The following PDE11A variants were observed in gnomAD, a reference collection of about 807,000 sequenced individuals.
PDE11A encodes the protein phosphodiesterase 11A, also known as dual 3',5'-cyclic-AMP and -GMP phosphodiesterase 11A.
A neutral mutation model predicts 100.5 loss-of-function variants in PDE11A; 100 were observed. The ratio of observed to expected loss-of-function variants is 1.00; its 90% CI spans 0.85 to 1.18. The LOEUF (loss-of-function observed/expected upper bound fraction) is 1.18, where lower values mean the gene tolerates loss of function less well. Ranked by LOEUF, PDE11A falls within the 50% of genes most tolerant of loss-of-function variation. The pLI, the probability that PDE11A is intolerant of heterozygous loss-of-function variation, is 0.00. For missense variants in PDE11A, 1,141 were observed against 1,152.6 expected (o/e 0.99, Z 0.15); for synonymous variants, 381 against 420.8 (o/e 0.91, Z 1.16).
chr2:177,991,976 C>T (rs2086010689), intron 2 of PDE11A, among the ~76,000 whole-genome samples: 1 of 151,188 alleles, frequency 6.6e-6, no homozygotes, highest in African/African-American at 2.4e-5. Flanking sequence ...ACACATTTAC[C>T]CTTATAGTAA....
In PDE11A at chr2:178,068,913, T is replaced by A. The variant is rs55980507; in HGVS notation, c.912+2613A>T. Among the ~76,000 whole-genome samples the A allele has an allele frequency of 1.2e-3, 183 of 152,276 alleles. 1 individual carries two copies. Among genetic ancestry groups the A allele is most frequent in the Non-Finnish European group, 2.3e-3 (155 of 68,010 alleles). ...AAACCACATTTAGGGACATTTTAAG[T>A]AGAGAATGGAAGGATAGATATTTTC... On this transcript the variant is annotated intron_variant, in intron 1 of 19. Transcript: ENST00000286063.
At chr2:178,018,346 C>T (rs73972665) in intron 1 of PDE11A, 5,066 of 469,300 alleles carry the variant, frequency 0.011, 205 homozygotes, top group African/African-American at 0.092. Context: ...AGACGCATCA[C>T]GGAAAGCTGC....
At chr2:177,668,570 C>T (rs1033438565) in intron 18 of PDE11A, among the ~76,000 whole-genome samples, 1 of 152,196 alleles carries the variant, frequency 6.6e-6, no homozygotes, top group Admixed American at 6.5e-5. Flanking sequence ...TCAAAATTAG[C>T]AAGACTGTGC....
At chr2:178,064,930 G>A (rs1359922270) in intron 1 of PDE11A, among the ~76,000 whole-genome samples, 1 of 151,410 alleles carries the variant, frequency 6.6e-6, no homozygotes, top group African/African-American at 2.4e-5. Context: ...AACATAATTT[G>A]TCATTAATAT....
chr2:177,885,201 AGT>A lies in PDE11A; in HGVS notation c.1303-9280_1303-9279del, dbSNP rs5836630. The stretch of plus-strand genomic sequence containing the variant: ...AGTAATATGATACATTAATGATGTG[AGT>A]GTGTGTGTGTGTGTGTGTGTATATA... On this transcript the variant is annotated intron_variant, in intron 4 of 19. Coordinates refer to ENST00000286063, the MANE Select transcript of PDE11A (RefSeq NM_016953.4). 5.3e-3 allele frequency among the ~76,000 whole-genome samples: 785 copies of A among 149,394 alleles called. 2 individuals carry two copies. Among genetic ancestry groups the A allele is most frequent in the African/African-American group, 1.0e-2 (406 of 40,804 alleles).
chr2:177,983,539 C>G (rs1024439595), intron 2 of PDE11A, among the ~76,000 whole-genome samples: 1 of 152,140 alleles, frequency 6.6e-6, no homozygotes, highest in African/African-American at 2.4e-5. Flanking sequence ...GAAAATAAAG[C>G]AGCTATAATC....
chr2:177,725,644 G>A lies in PDE11A; in HGVS notation c.2043+2014C>T, dbSNP rs749465035. 1.5e-4 allele frequency among the ~76,000 whole-genome samples: 23 copies of A among 152,202 alleles called. No homozygotes were observed. In the East Asian group the frequency reaches 4.1e-3, roughly 27 times the overall value. On this transcript the variant is annotated intron_variant, in intron 12 of 19. Transcript: ENST00000286063. ...AACTGTACCCTGGAAATATTCTGAC[G>A]ATATGAGCATCCCCATTGTGGTGAC...
At chr2:177,896,105 G>A (rs2084607592) in intron 4 of PDE11A, among the ~76,000 whole-genome samples, 1 of 152,150 alleles carries the variant, frequency 6.6e-6, no homozygotes. Flanking sequence ...GTCTTAGAAT[G>A]TTCAGCAGTG....
At chr2:177,926,263 T>C (rs2085123375) in intron 2 of PDE11A, among the ~76,000 whole-genome samples, 1 of 152,236 alleles carries the variant, frequency 6.6e-6, no homozygotes, top group Admixed American at 6.5e-5. Context: ...ATTTATCATC[T>C]GTACTTCTAC....
chr2:177,873,614 A>G (rs188721344), intron 5 of PDE11A, among the ~76,000 whole-genome samples: 124 of 152,296 alleles, frequency 8.1e-4, no homozygotes, highest in African/African-American at 2.7e-3. Context: ...TATAATCACC[A>G]CTGCAAGCAA....
rs1486912368 is a variant in PDE11A at position 177,785,497 on chromosome 2, C to G, written c.1738-16124G>C. On this transcript the variant is annotated intron_variant, in intron 9 of 19. Coordinates refer to ENST00000286063, the MANE Select transcript of PDE11A (RefSeq NM_016953.4). The stretch of plus-strand genomic sequence containing the variant: ...GATTTCTGCATTTCCATCTGAGGTA[C>G]CGGGTTCATCTCACTAGGGAGTGCC... Among the ~76,000 whole-genome samples the G allele has an allele frequency of 2.6e-5, 4 of 152,208 alleles. No homozygotes were observed. The East Asian group carries it at 5.8e-4, about 22-fold the overall frequency.
chr2:177,763,204 C>G (rs559532180), intron 10 of PDE11A, among the ~76,000 whole-genome samples: 2 of 152,044 alleles, frequency 1.3e-5, no homozygotes, highest in Admixed American at 1.3e-4. Context: ...AGTCAATTTC[C>G]TGGTGAAGGT....
chr2:178,064,331 G>A (rs1321512302), intron 1 of PDE11A, among the ~76,000 whole-genome samples: 3 of 152,190 alleles, frequency 2.0e-5, no homozygotes, highest in Non-Finnish European at 4.4e-5. Flanking sequence ...CTTCGCTGTA[G>A]GTGTGTTCGG....
At chr2:177,835,157 C>A (rs12693123) in intron 6 of PDE11A, among the ~76,000 whole-genome samples, 15,897 of 152,170 alleles carry the variant, frequency 0.1, 1,073 homozygotes, top group African/African-American at 0.19. Flanking sequence ...GTTGCCAGGA[C>A]TTGAAGATAC....
At chr2:178,060,881 C>A (rs537007854) in intron 1 of PDE11A, among the ~76,000 whole-genome samples, 15 of 151,320 alleles carry the variant, frequency 9.9e-5, no homozygotes, top group African/African-American at 3.4e-4. Context: ...TTTGCACATA[C>A]CCATAAAATT....
At chr2:177,862,671 A>G (rs2083963501) in intron 5 of PDE11A, among the ~76,000 whole-genome samples, 1 of 151,922 alleles carries the variant, frequency 6.6e-6, no homozygotes, top group Admixed American at 6.6e-5. Flanking sequence ...ATCACTGATG[A>G]AAGAAACTGA....
At chr2:177,957,847 C>A (rs1195185302) in intron 2 of PDE11A, among the ~76,000 whole-genome samples, 3 of 151,546 alleles carry the variant, frequency 2.0e-5, no homozygotes, top group African/African-American at 7.3e-5. Flanking sequence ...CCTGTAACTC[C>A]AAAACTATTT....
chr2:177,765,562 T>C (rs916988090), intron 10 of PDE11A, among the ~76,000 whole-genome samples: 11 of 152,354 alleles, frequency 7.2e-5, no homozygotes, highest in Admixed American at 3.3e-4. Context: ...GAAGGGGCCC[T>C]GCCACGGGTC....
intron 10 of PDE11A, among the ~76,000 whole-genome samples, chr2:177,749,761 A>G (rs2082002492): frequency 6.6e-6 from 1 of 152,200 alleles, no homozygotes; most frequent in Non-Finnish European, 1.5e-5. Flanking sequence ...AACTTGAATA[A>G]TTTCTAAGGC....
Sources: gnomAD v4.1 joint callset for allele counts (sites outside exome capture counted in the v4.1 genomes callset) on GRCh38, gnomAD v4.1.1 for gene constraint, MANE v1.5 for transcripts, NCBI Gene and HGNC (gene_info 2026-07-23, HGNC 2026-07-21) for gene names.